Variants in CEP70 observed in about 807,000 individuals in gnomAD.
CEP70 encodes the protein centrosomal protein 70.
A neutral mutation model predicts 90.9 loss-of-function variants in CEP70; 70 were observed. That is an observed-to-expected ratio of 0.77 (90% CI 0.64 to 0.94). The LOEUF is 0.94. Ranked by LOEUF, CEP70 falls within the 40% of genes least tolerant of loss-of-function variation. The pLI is 0.00. For missense variants in CEP70, 648 were observed against 669.0 expected, an observed-to-expected ratio of 0.97 and a Z score of 0.35; for synonymous variants, 220 against 228.3, an observed-to-expected ratio of 0.96 and a Z score of 0.33.
At chr3:138,553,632 C>T (rs1576798770) in intron 6 of CEP70, among the ~76,000 whole-genome samples, 1 of 152,032 alleles carries the variant, frequency 6.6e-6, no homozygotes, top group East Asian at 1.9e-4. Context: ...GAAAGTATCA[C>T]CCTAATACCA....
chr3:138,573,128 A>G (rs1212168108), intron 2 of CEP70, 196 bp from the exon 3 acceptor site: 1 of 578,914 alleles, frequency 1.7e-6, no homozygotes, highest in Non-Finnish European at 3.0e-6. Flanking sequence ...ACTCATTTGA[A>G]TAAACCCTAT....
intron 6 of CEP70, among the ~76,000 whole-genome samples, chr3:138,551,710 C>A (rs2039627790): frequency 6.7e-6 from 1 of 149,046 alleles, no homozygotes; most frequent in African/African-American, 2.5e-5. Flanking sequence ...CCCGCCACTG[C>A]ACTCCAGCCT....
At chr3:138,574,472 A>G (rs1475473788) in intron 2 of CEP70, among the ~76,000 whole-genome samples, 1 of 152,204 alleles carries the variant, frequency 6.6e-6, no homozygotes, top group Admixed American at 6.5e-5. Flanking sequence ...CCGCAGCTCA[A>G]AGAGGCCTGC....
intron 6 of CEP70, among the ~76,000 whole-genome samples, chr3:138,540,553 A>T (rs935977223): frequency 1.3e-5 from 2 of 151,962 alleles, no homozygotes; most frequent in Non-Finnish European, 2.9e-5. Flanking sequence ...ATGAGATACC[A>T]TCTCACACCA....
intron 13 of CEP70, 145 bp from the exon 14 acceptor site, chr3:138,501,026 T>A (rs866203232): frequency 1.3e-5 from 4 of 306,560 alleles, no homozygotes; most frequent in African/African-American, 2.2e-5. Flanking sequence ...GTTAAAAAAA[T>A]ATATATGTAA....
chr3:138,572,654 A>G (rs2041253884), intron 3 of CEP70, among the ~76,000 whole-genome samples: 1 of 152,252 alleles, frequency 6.6e-6, no homozygotes, highest in Non-Finnish European at 1.5e-5. Flanking sequence ...TTAAGTATGT[A>G]TGAAATGCTG....
At chr3:138,533,559 G>T (rs2038007900) in intron 7 of CEP70, among the ~76,000 whole-genome samples, 1 of 151,944 alleles carries the variant, frequency 6.6e-6, no homozygotes, top group Non-Finnish European at 1.5e-5. Context: ...TTGGAGAGGG[G>T]GCAGAATGCT....
chr3:138,537,245 T>C lies in CEP70; in HGVS notation c.568A>G (p.Ile190Val), dbSNP rs1237268231. Reference protein sequence around the residue: ...CRLKKEEEDRIVTQNRVFAYL... With the variant: ...CRLKKEEEDRVVTQNRVFAYL... The stretch of plus-strand genomic sequence containing the variant: ...GCAAACACTCTGTTTTGAGTGACAA[T>C]GCGATCTTCTTCCTCCTTTTTTAAT... The change falls in exon 7 of 18, where the codon ATT becomes GTT. Residue 190 changes from isoleucine to valine, a missense_variant. Ile to Val is a conservative substitution (Grantham distance 29). Coordinates refer to ENST00000264982, the MANE Select transcript of CEP70 (RefSeq NM_024491.4). 6.2e-7 allele frequency: 1 copy of C among 1,608,120 alleles called. No individual in the cohort carries two copies. Among genetic ancestry groups the C allele is most frequent in the Admixed American group, 1.7e-5 (1 of 58,928 alleles).
chr3:138,585,043 C>T (rs1285841161), intron 2 of CEP70, among the ~76,000 whole-genome samples: 2 of 152,060 alleles, frequency 1.3e-5, no homozygotes, highest in Non-Finnish European at 1.5e-5. Flanking sequence ...ACTGGAATTG[C>T]TCTAGCTAGC....
chr3:138,518,692 CATCA>C (rs2036303045), intron 11 of CEP70, among the ~76,000 whole-genome samples: 1 of 152,248 alleles, frequency 6.6e-6, no homozygotes, highest in South Asian at 2.1e-4. Context: ...ACATCATCAT[CATCA>C]AAGACAAAAG....
chr3:138,538,498 T>C (rs2038476710), intron 6 of CEP70, among the ~76,000 whole-genome samples: 1 of 152,094 alleles, frequency 6.6e-6, no homozygotes, highest in African/African-American at 2.4e-5. Context: ...TAAAGGAAAT[T>C]CAACAGGTGA....
At chr3:138,552,701 T>A (rs991616213) in intron 6 of CEP70, among the ~76,000 whole-genome samples, 29 of 151,988 alleles carry the variant, frequency 1.9e-4, no homozygotes, top group African/African-American at 7.0e-4. Context: ...ATTCACCACC[T>A]TAAATGCTTA....
intron 11 of CEP70, among the ~76,000 whole-genome samples, chr3:138,523,694 A>G (rs1436420531): frequency 2.6e-5 from 4 of 152,106 alleles, no homozygotes; most frequent in Non-Finnish European, 5.9e-5. Context: ...TTCAAGGAGA[A>G]CTACCAACCA....
intron 10 of CEP70, among the ~76,000 whole-genome samples, chr3:138,528,292 C>G (rs1385033322): frequency 6.6e-6 from 1 of 152,112 alleles, no homozygotes; most frequent in Admixed American, 6.5e-5. Flanking sequence ...AATCCACCTG[C>G]CTCAGCCTCC....
rs7609875 is a variant in CEP70, at chr3:138,581,489, T to C, written c.-5-8557A>G. Among the ~76,000 whole-genome samples, 850 of 151,288 alleles carry C rather than the reference T, an allele frequency of 5.6e-3. 7 individuals are homozygous for C. Among genetic ancestry groups the C allele is most frequent in the African/African-American group, 0.02 (818 of 41,280 alleles). The stretch of plus-strand genomic sequence containing the variant: ...GAGGTGAAGGTGGGTGGATCACCTG[T>C]AGTCAGGAGTTCAAGACCAGCCTGG... On this transcript the variant is annotated intron_variant, in intron 2 of 17. Transcript: ENST00000264982.
chr3:138,535,155 T>C (rs1031457274), intron 7 of CEP70, among the ~76,000 whole-genome samples: 1 of 152,234 alleles, frequency 6.6e-6, no homozygotes, highest in East Asian at 1.9e-4. Context: ...CAGAATCTCA[T>C]GTATCCTATG....
intron 11 of CEP70, among the ~76,000 whole-genome samples, chr3:138,523,836 G>A (rs2036935394): frequency 1.3e-5 from 2 of 151,946 alleles, no homozygotes; most frequent in Admixed American, 6.6e-5. Flanking sequence ...TCCCCATCAA[G>A]CTACCACTGA....
intron 6 of CEP70, among the ~76,000 whole-genome samples, chr3:138,566,819 A>ATATAT (rs57654678): frequency 6.8e-6 from 1 of 147,318 alleles, no homozygotes; most frequent in East Asian, 2.0e-4. Flanking sequence ...ATATATATAT[A>ATATAT]AAAAAAAAAC....
At chr3:138,510,708 A>C (rs963691144) in intron 11 of CEP70, among the ~76,000 whole-genome samples, 1 of 152,094 alleles carries the variant, frequency 6.6e-6, no homozygotes, top group African/African-American at 2.4e-5. Context: ...TTATTACGAG[A>C]CTACAGTAGT....
Sources: gnomAD v4.1 joint callset for allele counts (sites outside exome capture counted in the v4.1 genomes callset) on GRCh38, gnomAD v4.1.1 for gene constraint, MANE v1.5 for transcripts, NCBI Gene and HGNC (gene_info 2026-07-23, HGNC 2026-07-21) for gene names.